The following DNAH12 variants were observed in gnomAD, a reference collection of about 807,000 sequenced individuals.
The protein encoded by DNAH12 is axonemal beta dynein heavy chain 12.
A neutral mutation model predicts 371.5 loss-of-function variants in DNAH12; 285 were observed. That is an observed-to-expected ratio of 0.77 (90% CI 0.70 to 0.85). DNAH12 has a LOEUF of 0.85. Among genes scored for constraint, DNAH12 ranks in the 40% least tolerant of loss-of-function variants. The pLI, the probability that DNAH12 is intolerant of heterozygous loss-of-function variation, is 0.00. For synonymous variants in DNAH12, 1,200 were observed against 1,213.0 expected, an observed-to-expected ratio of 0.99 and a Z score of 0.22; for missense variants, 3,611 against 3,689.4, an observed-to-expected ratio of 0.98 and a Z score of 0.55.
intron 43 of DNAH12, among the ~76,000 whole-genome samples, chr3:57,400,850 T>C (rs938008588): frequency 1.7e-4 from 26 of 152,298 alleles, no homozygotes; most frequent in African/African-American, 5.8e-4. Context: ...GACTTGAACA[T>C]TGTAGACCAA....
intron 13 of DNAH12, among the ~76,000 whole-genome samples, chr3:57,481,715 A>C (rs1369875953): frequency 6.6e-6 from 1 of 152,188 alleles, no homozygotes; most frequent in Non-Finnish European, 1.5e-5. Flanking sequence ...ACTGGTACCA[A>C]AACAGAGATA....
intron 2 of DNAH12, among the ~76,000 whole-genome samples, chr3:57,525,839 CA>C (rs1335708013): frequency 1.4e-5 from 2 of 139,782 alleles, no homozygotes; most frequent in East Asian, 4.2e-4. Flanking sequence ...CTCGACTCAC[CA>C]AAACCTCTGC....
chr3:57,320,378 G>T (rs1486801495), intron 65 of DNAH12, among the ~76,000 whole-genome samples: 3 of 152,142 alleles, frequency 2.0e-5, no homozygotes, highest in Admixed American at 2.0e-4. Context: ...TGCCCTTAAG[G>T]AGAATAAAGT....
intron 13 of DNAH12, among the ~76,000 whole-genome samples, chr3:57,480,062 A>C (rs2066681228): frequency 6.6e-6 from 1 of 152,190 alleles, no homozygotes; most frequent in South Asian, 2.1e-4. Context: ...GCAAGAAACA[A>C]CTAAGATCAG....
chr3:57,438,593 A>G (rs114779183), intron 29 of DNAH12, among the ~76,000 whole-genome samples: 4,716 of 152,230 alleles, frequency 0.031, 241 homozygotes, highest in African/African-American at 0.11. Context: ...TTCAGGAACA[A>G]AATCAATGTA....
intron 13 of DNAH12, 106 bp downstream of exon 13, chr3:57,483,270 C>A: frequency 7.2e-7 from 1 of 1,379,564 alleles, no homozygotes; most frequent in Non-Finnish European, 9.8e-7. Flanking sequence ...AATATAACCG[C>A]TCAATTTACA....
chr3:57,449,859 C>T (rs992272609), intron 25 of DNAH12, among the ~76,000 whole-genome samples: 7 of 152,330 alleles, frequency 4.6e-5, no homozygotes, highest in African/African-American at 1.2e-4. Context: ...GCAGAGGAGG[C>T]GCCGAGAGCA....
chr3:57,389,319 C>T (rs937555812), intron 45 of DNAH12, among the ~76,000 whole-genome samples: 20 of 151,296 alleles, frequency 1.3e-4, no homozygotes, highest in East Asian at 7.8e-4. Flanking sequence ...ACATTTAATA[C>T]TATCTTTGGC....
chr3:57,444,276 A>T (rs1052507191), intron 29 of DNAH12, among the ~76,000 whole-genome samples: 10 of 151,820 alleles, frequency 6.6e-5, no homozygotes, highest in African/African-American at 2.4e-4. Flanking sequence ...TACTTTTTTT[A>T]ATTTTTATTT....
In DNAH12 at chr3:57,347,610, G is replaced by A. The variant is rs1453275384; in HGVS notation, c.9674+4475C>T. Among the ~76,000 whole-genome samples, 6 of 151,900 alleles carry A rather than the reference G, an allele frequency of 3.9e-5. No homozygotes were observed. In the East Asian group the frequency reaches 7.8e-4, roughly 20 times the overall value. The stretch of plus-strand genomic sequence containing the variant: ...AGGTGCCTGTAATTCCAGCTACTGG[G>A]GAGGCTGAGGCAGGAGAATCGATTG... On this transcript the variant is annotated intron_variant, in intron 60 of 73. Coordinates refer to ENST00000495027, the MANE Select transcript of DNAH12 (RefSeq NM_001366028.2).
chr3:57,453,064 A>G (rs2065801837), intron 24 of DNAH12, 49 bp from the exon 25 acceptor site: 1 of 1,498,460 alleles, frequency 6.7e-7, no homozygotes, highest in Non-Finnish European at 8.9e-7. Flanking sequence ...AATGGAAATA[A>G]TTTTAAAAAG....
chr3:57,442,019 C>T (rs1275801238), intron 29 of DNAH12, among the ~76,000 whole-genome samples: 1 of 152,080 alleles, frequency 6.6e-6, no homozygotes, highest in Non-Finnish European at 1.5e-5. Flanking sequence ...TATGAAATAA[C>T]ATCTTTAAAT....
chr3:57,332,457 G>A lies in DNAH12; in HGVS notation c.9978+2008C>T, dbSNP rs143115386. Among the ~76,000 whole-genome samples the A allele has an allele frequency of 3.6e-3, 551 of 152,240 alleles. 5 individuals are homozygous for A. Among genetic ancestry groups the A allele is most frequent in the African/African-American group, 0.013 (526 of 41,548 alleles). ...TGAAACCACCATTTTTGCACAGGGG[G>A]CAATAGGTGGTATAGGACTGTGATC... On this transcript the variant is annotated intron_variant, in intron 62 of 73. Transcript: ENST00000495027.
At chr3:57,428,384 A>G (rs1255470845) in intron 34 of DNAH12, 3 of 1,400,630 alleles carry the variant, frequency 2.1e-6, no homozygotes, top group African/African-American at 1.4e-5. Context: ...AAATAATTTG[A>G]AATACGGAAA....
In DNAH12 at chr3:57,462,856, G is replaced by A. The variant is rs1305862464; in HGVS notation, c.2369C>T (p.Ser790Phe). The A allele has an allele frequency of 1.9e-6, 3 of 1,551,092 alleles. No individual in the cohort carries two copies. Among genetic ancestry groups the A allele is most frequent in the Non-Finnish European group, 2.6e-6 (3 of 1,146,864 alleles). ...KAFKEYIPTV[S>F]ILCNPGMRAR... is the part of the protein sequence containing the mutation. ...TCTCATTCCTGGATTGCACAGAATG[G>A]AGACAGTAGGAATATATTCCTAATG... Residue 790 changes from serine to phenylalanine, a missense_variant, in exon 18 of 74, where the codon TCC becomes TTC. By Grantham distance (155) the Ser-to-Phe change is radical (BLOSUM62 -2). Transcript: ENST00000495027.
At position 57,413,905 on chromosome 3, in the gene DNAH12, A is replaced by T; in HGVS notation, c.5861T>A (p.Ile1954Asn). ...RTSANQVQNI[I>N]MARLDKRRKG... ...GCGTCTTTTATCCAATCTAGCCATGATAATGTTCTAAAATATGAAGGAAGA... is the reference window on the plus strand; with the variant it reads ...GCGTCTTTTATCCAATCTAGCCATGTTAATGTTCTAAAATATGAAGGAAGA... Residue 1954 changes from isoleucine (I) to asparagine (N), a missense_variant, in exon 39 of 74, where the codon ATC becomes AAC. Transcript: ENST00000495027. 1.9e-6 allele frequency: 3 copies of T among 1,549,804 alleles called. No individual in the cohort carries two copies. The highest frequency in any genetic ancestry group is 2.6e-6 in the Non-Finnish European group (3 of 1,146,358).
intron 13 of DNAH12, among the ~76,000 whole-genome samples, chr3:57,481,724 T>G (rs1030066752): frequency 6.6e-6 from 1 of 152,040 alleles, no homozygotes; most frequent in African/African-American, 2.4e-5. Context: ...AAAACAGAGA[T>G]ATAGACCAAT....
At chr3:57,306,934 A>C (rs933390450) in intron 69 of DNAH12, among the ~76,000 whole-genome samples, 4 of 152,076 alleles carry the variant, frequency 2.6e-5, no homozygotes, top group Non-Finnish European at 4.4e-5. Context: ...TGGATCTTAA[A>C]CATGCTTTCT....
chr3:57,334,525 C>A lies in DNAH12; in HGVS notation c.9918G>T (p.Met3306Ile). ...EPHNAKFPAP[M>I]DKNLNELQKI... ...TCTGTAGTTCATTTAGGTTCTTATCCATTGGTGCTGGAAATTTAGCATTAT... is the reference window on the plus strand; with the variant it reads ...TCTGTAGTTCATTTAGGTTCTTATCAATTGGTGCTGGAAATTTAGCATTAT... Residue 3306 changes from methionine to isoleucine, a missense_variant, in exon 62 of 74, where the codon ATG becomes ATT. Physicochemically the swap from Met to Ile is conservative, Grantham distance 10. Around this residue, in one of 3 missense-constraint regions of DNAH12, gnomAD observed 2,266 missense variants for 2,236.9 expected, o/e 1.01. Transcript: ENST00000495027. 6.4e-7 allele frequency: 1 copy of A among 1,550,972 alleles called. No homozygotes were observed. The highest frequency in any genetic ancestry group is 8.7e-7 in the Non-Finnish European group (1 of 1,146,838).
Sources: gnomAD v4.1 joint callset for allele counts (sites outside exome capture counted in the v4.1 genomes callset) on GRCh38, gnomAD v4.1.1 for gene constraint, gnomAD v4.1.1 regional missense constraint, MANE v1.5 for transcripts, NCBI Gene and HGNC (gene_info 2026-07-23, HGNC 2026-07-21) for gene names.